Variants in KLHL6 observed in about 807,000 individuals in gnomAD.
KLHL6 encodes the protein kelch-like protein 6.
A neutral mutation model predicts 58.6 loss-of-function variants in KLHL6; 41 were observed. The ratio of observed to expected loss-of-function variants is 0.70; its 90% CI spans 0.55 to 0.91. The LOEUF (loss-of-function observed/expected upper bound fraction) is 0.91. Ranked by LOEUF, KLHL6 falls within the 40% of genes least tolerant of loss-of-function variation. KLHL6 has a pLI of 0.00. For synonymous variants in KLHL6, 338 were observed against 322.7 expected (o/e 1.05, Z -0.51); for missense variants, 714 against 805.6 (o/e 0.89, Z 1.38).
At chr3:183,540,080 G>A (rs945522455) in intron 1 of KLHL6, among the ~76,000 whole-genome samples, 5 of 152,110 alleles carry the variant, frequency 3.3e-5, no homozygotes, top group African/African-American at 7.2e-5. Flanking sequence ...CAGATCTTCC[G>A]TTGGGAAACA....
intron 3 of KLHL6, among the ~76,000 whole-genome samples, chr3:183,504,903 T>C (rs1422584976): frequency 2.0e-5 from 3 of 152,164 alleles, no homozygotes; most frequent in Admixed American, 2.0e-4. Context: ...TTCCCTTCTT[T>C]GTGTTCATGT....
chr3:183,495,935 T>C (rs1717701460), intron 4 of KLHL6, among the ~76,000 whole-genome samples: 1 of 152,178 alleles, frequency 6.6e-6, no homozygotes. Context: ...TTAGAACAAT[T>C]GGTTATTCAT....
chr3:183,555,057 C>T (rs187804124), intron 1 of KLHL6, among the ~76,000 whole-genome samples: 181 of 151,994 alleles, frequency 1.2e-3, no homozygotes, highest in African/African-American at 4.2e-3. Context: ...CCCAGCTACT[C>T]GGGAGGCTGA....
intron 4 of KLHL6, among the ~76,000 whole-genome samples, 155 bp from the exon 5 acceptor site, chr3:183,494,436 G>A (rs911083025): frequency 2.0e-5 from 3 of 152,248 alleles, no homozygotes; most frequent in African/African-American, 7.2e-5. Flanking sequence ...ATGTCTGGCA[G>A]GGGAGATGAG....
chr3:183,496,346 G>C (rs373304191), intron 4 of KLHL6, among the ~76,000 whole-genome samples: 5 of 152,030 alleles, frequency 3.3e-5, no homozygotes, highest in Admixed American at 1.3e-4. Context: ...AATAAAAATC[G>C]TTAGCAAGGA....
At chr3:183,527,761 G>T in intron 2 of KLHL6, 84 bp downstream of exon 2, 1 of 1,233,222 alleles carries the variant, frequency 8.1e-7, no homozygotes, top group Non-Finnish European at 1.2e-6. Context: ...GTACAGGCCT[G>T]GGAGCTAGAC....
chr3:183,530,449 A>C (rs1485270848), intron 1 of KLHL6, among the ~76,000 whole-genome samples: 1 of 152,256 alleles, frequency 6.6e-6, no homozygotes, highest in Non-Finnish European at 1.5e-5. Flanking sequence ...ACTTGCAAAC[A>C]ATGAAATTGG....
At chr3:183,532,824 G>A (rs772905158) in intron 1 of KLHL6, among the ~76,000 whole-genome samples, 4 of 152,184 alleles carry the variant, frequency 2.6e-5, no homozygotes, top group South Asian at 2.1e-4. Context: ...ATGGTGAGCC[G>A]TTGAAGGTTG....
rs1717548791 is a variant in KLHL6, at chr3:183,491,420, G to A, written c.*507C>T. 1 of 152,638 alleles carries A rather than the reference G, an allele frequency of 6.6e-6. No homozygotes were observed. The highest frequency in any genetic ancestry group is 2.1e-4 in the South Asian group (1 of 4,832). 9.5% of individuals were successfully genotyped at this position (152,638 alleles called of 1,614,324 possible). The stretch of plus-strand genomic sequence containing the variant: ...GAGCCGCCACGCCCAGCAAGAGCCA[G>A]GTTTTGTTGTTGTTTTTTGTTTGTT... On this transcript the variant is annotated 3_prime_UTR_variant, in exon 7 of 7. Transcript: ENST00000341319.
At position 183,499,645 on chromosome 3, in the gene KLHL6, A is replaced by C. The variant is rs1284478058; in HGVS notation, c.1092T>G (p.Asn364Lys). ...CGCATGCAAACTCCACCCACTTCTT[A>C]TTCTCACTCTCCAGCTCATGCTCTG... Reference protein sequence around the residue: ...PLTEHELESENKKWVEFACVT... With the variant: ...PLTEHELESEKKKWVEFACVT... The change falls in exon 4 of 7, where the codon AAT becomes AAG. Residue 364 changes from asparagine to lysine, a missense_variant. Transcript: ENST00000341319. This position sits in a 1 kb window ranked among gnomAD's most constrained non-coding sequence, Gnocchi z 4.6. The C allele has an allele frequency of 6.2e-7, 1 of 1,609,854 alleles. No homozygotes were observed. Among genetic ancestry groups the C allele is most frequent in the Non-Finnish European group, 8.5e-7 (1 of 1,178,162 alleles).
intron 2 of KLHL6, among the ~76,000 whole-genome samples, 154 bp downstream of exon 2, chr3:183,527,691 G>A (rs1712020056): frequency 6.6e-6 from 1 of 152,102 alleles, no homozygotes; most frequent in Non-Finnish European, 1.5e-5. Flanking sequence ...AGCCCAGCTA[G>A]GGGTGTGCGT....
intron 1 of KLHL6, among the ~76,000 whole-genome samples, chr3:183,531,020 TG>T (rs1394259415): frequency 6.6e-6 from 1 of 151,516 alleles, no homozygotes; most frequent in African/African-American, 2.4e-5. Context: ...TTAGTAGAGA[TG>T]GGGGGTTTCG....
chr3:183,520,486 G>A (rs530915769), intron 2 of KLHL6: 4 of 151,852 alleles, frequency 2.6e-5, no homozygotes, highest in African/African-American at 9.7e-5. Flanking sequence ...CTCAGCATAC[G>A]GAGGACCCAC....
chr3:183,514,963 C>A (rs1387579695), intron 2 of KLHL6, among the ~76,000 whole-genome samples: 1 of 152,214 alleles, frequency 6.6e-6, no homozygotes, highest in African/African-American at 2.4e-5. Flanking sequence ...AGCCACCATG[C>A]CCGGCCAGGG....
At chr3:183,509,014 T>C (rs917937391) in intron 2 of KLHL6, among the ~76,000 whole-genome samples, 4 of 152,164 alleles carry the variant, frequency 2.6e-5, no homozygotes, top group Admixed American at 2.0e-4. Context: ...AAAGACGTCA[T>C]GGGAACATGA....
chr3:183,546,128 T>C (rs1282184638), intron 1 of KLHL6, among the ~76,000 whole-genome samples: 1 of 152,214 alleles, frequency 6.6e-6, no homozygotes, highest in Non-Finnish European at 1.5e-5. Flanking sequence ...CACACATCCC[T>C]ACAAGTGTAT....
At chr3:183,501,167 T>A (rs1342100866) in intron 3 of KLHL6, among the ~76,000 whole-genome samples, 1 of 152,128 alleles carries the variant, frequency 6.6e-6, no homozygotes, top group Non-Finnish European at 1.5e-5. Context: ...CCTGACGGTA[T>A]GGACAGCAGA....
chr3:183,510,772 G>C (rs1255883743), intron 2 of KLHL6, among the ~76,000 whole-genome samples: 1 of 152,128 alleles, frequency 6.6e-6, no homozygotes, highest in African/African-American at 2.4e-5. Flanking sequence ...TACTCAGGAG[G>C]CTGCAGCAGG....
chr3:183,510,735 G>A (rs111974713), intron 2 of KLHL6, among the ~76,000 whole-genome samples: 5 of 152,114 alleles, frequency 3.3e-5, no homozygotes, highest in African/African-American at 1.2e-4. Context: ...TTAGTCAGGC[G>A]TGGTGGCACA....
Sources: gnomAD v4.1 joint callset for allele counts (sites outside exome capture counted in the v4.1 genomes callset) on GRCh38, gnomAD v4.1.1 for gene constraint, Gnocchi (gnomAD v3.1) non-coding constraint, MANE v1.5 for transcripts, NCBI Gene and HGNC (gene_info 2026-07-23, HGNC 2026-07-21) for gene names.